DLG2: variants seen among roughly 807,000 people sequenced by gnomAD.
DLG2 encodes the protein discs large MAGUK scaffold protein 2, also known as disks large homolog 2.
A neutral mutation model predicts 132.5 loss-of-function variants in DLG2; 45 were observed. That is an observed-to-expected ratio of 0.34 (90% CI 0.27 to 0.44). DLG2 has a LOEUF of 0.44. DLG2 is among the 20% of genes least tolerant of loss of function. The pLI, the probability that DLG2 is intolerant of heterozygous loss-of-function variation, is 1.00. For missense variants in DLG2, 1,045 were observed against 1,196.9 expected (o/e 0.87, Z 1.87); for synonymous variants, 424 against 419.6 (o/e 1.01, Z -0.13).
In DLG2 at chr11:83,817,072, T is replaced by C. The variant is rs9645700; in HGVS notation, c.1722+16542A>G. 3.1e-3 allele frequency among the ~76,000 whole-genome samples: 477 copies of C among 152,324 alleles called. 1 individual carries two copies. Among genetic ancestry groups the C allele is most frequent in the Non-Finnish European group, 5.1e-3 (345 of 68,032 alleles). ...GTAATCTAGCTTCATTCATTCATTA[T>C]ATATTTATAAGATATATTATATGTC... On this transcript the variant is annotated intron_variant, in intron 17 of 27. Coordinates refer to ENST00000376104, the MANE Select transcript of DLG2 (RefSeq NM_001142699.3).
rs550181669 is a variant in DLG2 at position 84,861,790 on chromosome 11, G to A, written c.357+249871C>T. Among the ~76,000 whole-genome samples the A allele has an allele frequency of 3.0e-4, 45 of 151,894 alleles. No individual in the cohort carries two copies. The South Asian group carries it at 9.0e-3, about 30-fold the overall frequency. On this transcript the variant is annotated intron_variant, in intron 6 of 27. Coordinates refer to ENST00000376104, the MANE Select transcript of DLG2 (RefSeq NM_001142699.3). ...AAATAAACAACTCCATCAAAAAGTG[G>A]GCAAAGAATATGAACAGACACTTCT... is the stretch of plus-strand genomic sequence containing the variant.
At chr11:85,223,281 G>A (rs2074772390) in intron 4 of DLG2, among the ~76,000 whole-genome samples, 1 of 152,068 alleles carries the variant, frequency 6.6e-6, no homozygotes, top group African/African-American at 2.4e-5. Flanking sequence ...TTTCCTAGAA[G>A]AAGAGATGAG....
At chr11:83,882,781 G>C (rs1455175691) in intron 15 of DLG2, among the ~76,000 whole-genome samples, 1 of 152,186 alleles carries the variant, frequency 6.6e-6, no homozygotes. Context: ...GGTAGGAAAA[G>C]TTCTCTTATA....
intron 19 of DLG2, among the ~76,000 whole-genome samples, chr11:83,615,184 G>A (rs781629700): frequency 1.2e-4 from 18 of 152,068 alleles, no homozygotes; most frequent in African/African-American, 2.4e-4. Context: ...ATTCTGCATC[G>A]AAGTCCTGAC....
intron 15 of DLG2, among the ~76,000 whole-genome samples, chr11:83,918,930 A>T (rs2077388809): frequency 6.6e-6 from 1 of 152,156 alleles, no homozygotes; most frequent in South Asian, 2.1e-4. Context: ...TAGCGTCAAC[A>T]TGGAGCTCCA....
At position 85,154,604 on chromosome 11, in the gene DLG2, T is replaced by C; in HGVS notation, c.234A>G (p.Gln78=). Residue 78 remains glutamine (Q), a synonymous_variant, in exon 5 of 28, where the codon CAA becomes CAG. Transcript: ENST00000376104. ...GSKENASCIE[Q]NKENQSFENE... ...TTTCAAAACTCTGATTTTCTTTATTTTGCTCAATACATGAAGCATTTTCCT... is the reference window on the plus strand; with the variant it reads ...TTTCAAAACTCTGATTTTCTTTATTCTGCTCAATACATGAAGCATTTTCCT... 4 of 1,541,390 alleles carry C rather than the reference T, an allele frequency of 2.6e-6. No homozygotes were observed. The highest frequency in any genetic ancestry group is 3.5e-6 in the Non-Finnish European group (4 of 1,138,368).
At chr11:84,809,662 T>C (rs2076355337) in intron 6 of DLG2, among the ~76,000 whole-genome samples, 2 of 151,964 alleles carry the variant, frequency 1.3e-5, no homozygotes, top group Admixed American at 6.6e-5. Context: ...AAAAATATAA[T>C]ACCTTTTACA....
intron 6 of DLG2, among the ~76,000 whole-genome samples, chr11:84,676,458 T>C (rs912498437): frequency 9.9e-5 from 15 of 152,094 alleles, no homozygotes; most frequent in Non-Finnish European, 1.8e-4. Context: ...AAAGATCATA[T>C]GGCACAGCTA....
chr11:84,069,913 T>C (rs2096731646), intron 10 of DLG2, among the ~76,000 whole-genome samples: 1 of 152,218 alleles, frequency 6.6e-6, no homozygotes, highest in Non-Finnish European at 1.5e-5. Flanking sequence ...GCCCGCTCAG[T>C]TCAATACTGT....
At chr11:84,881,691 G>T (rs917810980) in intron 6 of DLG2, among the ~76,000 whole-genome samples, 1 of 152,052 alleles carries the variant, frequency 6.6e-6, no homozygotes, top group Admixed American at 6.6e-5. Context: ...GTGCCTAGGG[G>T]GATTGCATTG....
At chr11:83,983,798 C>G (rs1169795061) in intron 11 of DLG2, among the ~76,000 whole-genome samples, 1 of 151,902 alleles carries the variant, frequency 6.6e-6, no homozygotes, top group Non-Finnish European at 1.5e-5. Context: ...AGTAAAATAC[C>G]CCAAACTGGC....
intron 20 of DLG2, among the ~76,000 whole-genome samples, chr11:83,536,799 A>G (rs1000952455): frequency 2.6e-5 from 4 of 152,304 alleles, no homozygotes; most frequent in African/African-American, 9.6e-5. Context: ...TGTGAAAACA[A>G]TCAGGTCAGG....
intron 7 of DLG2, chr11:84,317,420 A>G (rs1599770351): frequency 5.7e-6 from 7 of 1,236,454 alleles, no homozygotes; most frequent in Non-Finnish European, 7.2e-6. Context: ...GAAGCAATCA[A>G]TGCTCCACAC....
rs57445306 is a variant in DLG2 at position 84,441,132 on chromosome 11, A to AATTATTATTATT, written c.519+93426_519+93437dup. 7.0e-3 allele frequency among the ~76,000 whole-genome samples: 1,036 copies of AATTATTATTATT among 148,594 alleles called. 16 individuals are homozygous for AATTATTATTATT. Among genetic ancestry groups the AATTATTATTATT allele is most frequent in the African/African-American group, 0.024 (962 of 39,944 alleles). On this transcript the variant is annotated intron_variant, in intron 7 of 27. Coordinates refer to ENST00000376104, the MANE Select transcript of DLG2 (RefSeq NM_001142699.3). ...CTTTGGCTAATGTCTGATGTTAGTA[A>AATTATTATTATT]ATTATTATTATTATTATTATTATTA...
chr11:84,282,728 G>C (rs966651335), intron 7 of DLG2, among the ~76,000 whole-genome samples: 4 of 152,184 alleles, frequency 2.6e-5, no homozygotes, highest in Admixed American at 6.5e-5. Context: ...TTTAATCAGA[G>C]AAAAAGACCA....
intron 8 of DLG2, among the ~76,000 whole-genome samples, chr11:84,207,502 A>G (rs1029091740): frequency 6.6e-6 from 1 of 152,130 alleles, no homozygotes; most frequent in African/African-American, 2.4e-5. Context: ...ATATAGTAAA[A>G]TAATTTTTGA....
intron 5 of DLG2, among the ~76,000 whole-genome samples, chr11:85,133,869 T>A (rs764133021): frequency 6.6e-6 from 1 of 152,186 alleles, no homozygotes; most frequent in Non-Finnish European, 1.5e-5. Flanking sequence ...GTAAAGCTGC[T>A]ACTACATAGA....
chr11:84,610,565 A>G (rs2099593652), intron 6 of DLG2, among the ~76,000 whole-genome samples: 1 of 152,126 alleles, frequency 6.6e-6, no homozygotes, highest in African/African-American at 2.4e-5. Context: ...ACTGATGAAT[A>G]AAGGGAACAA....
chr11:83,767,663 T>C (rs2094200219), intron 18 of DLG2, among the ~76,000 whole-genome samples: 1 of 152,278 alleles, frequency 6.6e-6, no homozygotes, highest in African/African-American at 2.4e-5. Flanking sequence ...ATAGCCCCTA[T>C]CTCACAGGCT....
Sources: allele counts gnomAD v4.1 joint callset (sites outside exome capture counted in the v4.1 genomes callset), GRCh38; gene constraint gnomAD v4.1.1; transcripts MANE v1.5; gene names NCBI Gene and HGNC (gene_info 2026-07-23, HGNC 2026-07-21).